RIMKLB: variants seen among roughly 807,000 people sequenced by gnomAD.
RIMKLB encodes beta-citrylglutamate synthase B.
A neutral mutation model predicts 32.0 loss-of-function variants in RIMKLB; 7 were observed. That is an observed-to-expected ratio of 0.22 (90% confidence interval 0.12 to 0.41). The LOEUF (loss-of-function observed/expected upper bound fraction) is 0.41, where lower values mean the gene tolerates loss of function less well. Ranked by LOEUF, RIMKLB falls within the 10% of genes least tolerant of loss-of-function variation. RIMKLB has a pLI of 1.00. For missense variants in RIMKLB, 289 were observed against 498.7 expected, an observed-to-expected ratio of 0.58 and a Z score of 4.00; for synonymous variants, 172 against 185.1, an observed-to-expected ratio of 0.93 and a Z score of 0.57.
At chr12:8,688,989 C>T (rs1942659219) in intron 1 of RIMKLB, among the ~76,000 whole-genome samples, 1 of 152,148 alleles carries the variant, frequency 6.6e-6, no homozygotes. Context: ...TGCCCGACAC[C>T]ACACCCGACT....
At chr12:8,685,730 C>T (rs562644437) in intron 1 of RIMKLB, among the ~76,000 whole-genome samples, 14 of 152,176 alleles carry the variant, frequency 9.2e-5, no homozygotes, top group Admixed American at 5.9e-4. Context: ...CTGCAACCTC[C>T]GCCTTCCGGT....
intron 5 of RIMKLB, among the ~76,000 whole-genome samples, chr12:8,760,828 A>T (rs1220291245): frequency 6.6e-6 from 1 of 152,078 alleles, no homozygotes; most frequent in South Asian, 2.1e-4. Flanking sequence ...TTCTTTGTAG[A>T]TTCTGGATGT....
chr12:8,723,870 A>G (rs1257781509), intron 2 of RIMKLB, among the ~76,000 whole-genome samples: 1 of 134,656 alleles, frequency 7.4e-6, no homozygotes, highest in African/African-American at 2.9e-5. Context: ...GCTGGAGTAC[A>G]GTGGTGCAGT....
At chr12:8,701,896 TC>T (rs1453077081) in intron 1 of RIMKLB, among the ~76,000 whole-genome samples, 1 of 150,768 alleles carries the variant, frequency 6.6e-6, no homozygotes, top group Non-Finnish European at 1.5e-5. Context: ...TCTCAGCTAC[TC>T]GGGGGGGCTG....
intron 1 of RIMKLB, among the ~76,000 whole-genome samples, chr12:8,705,860 T>A (rs758072572): frequency 6.6e-6 from 1 of 152,166 alleles, no homozygotes; most frequent in Non-Finnish European, 1.5e-5. Flanking sequence ...TGTCTATAAG[T>A]CCTGAGTCTT....
chr12:8,700,791 C>T (rs756467258), intron 1 of RIMKLB, among the ~76,000 whole-genome samples: 4 of 152,230 alleles, frequency 2.6e-5, no homozygotes, highest in African/African-American at 7.2e-5. Context: ...TGTGGCCTGG[C>T]GCAGTGGCTC....
intron 5 of RIMKLB, among the ~76,000 whole-genome samples, chr12:8,762,822 C>T (rs1949640508): frequency 6.6e-6 from 1 of 152,168 alleles, no homozygotes; most frequent in Admixed American, 6.5e-5. Context: ...CCTTTTTCTA[C>T]AAAGGAACTT....
In RIMKLB at chr12:8,716,431, C is replaced by CTTTTTTT. The variant is rs11307521; in HGVS notation, c.175+2407_175+2413dup. ...TAACCTAGCCTTACCATTAACATGT[C>CTTTTTTT]TTTTTTTTTTTTTTTTTTTTTTTAA... On this transcript the variant is annotated intron_variant, in intron 2 of 5. Coordinates refer to ENST00000535829, the MANE Select transcript of RIMKLB (RefSeq NM_001297776.2). 1.1e-4 allele frequency among the ~76,000 whole-genome samples: 9 copies of CTTTTTTT among 81,666 alleles called. 1 individual carries two copies. The highest frequency in any genetic ancestry group is 3.5e-4 in the East Asian group (1 of 2,882). 53.6% of individuals were successfully genotyped at this position (81,666 alleles called of 152,430 possible).
At chr12:8,782,879 A>ATGAT (rs1951181805) in intron 7 of RIMKLB, 1 of 152,156 alleles carries the variant, frequency 6.6e-6, no homozygotes, top group Non-Finnish European at 1.5e-5. Flanking sequence ...TTTAAAATCT[A>ATGAT]TGATTTAAAT....
At chr12:8,777,617 C>CA (rs1382846984), downstream of RIMKLB, 1 of 1,288,524 alleles carries the variant, frequency 7.8e-7, no homozygotes, top group South Asian at 1.2e-5. Flanking sequence ...AAAACAAATA[C>CA]AAACAAACAA....
chr12:8,669,210 C>T, the RIMKLB span, among the ~76,000 whole-genome samples: 4 of 151,962 alleles, frequency 2.6e-5, no homozygotes, highest in African/African-American at 9.7e-5. Flanking sequence ...AGGAAGGAAG[C>T]AAGAGAGAGG....
At chr12:8,715,228 C>CTTTTTTTT (rs61677474) in intron 2 of RIMKLB, among the ~76,000 whole-genome samples, 49 of 123,732 alleles carry the variant, frequency 4.0e-4, no homozygotes, top group African/African-American at 1.4e-3. Flanking sequence ...TGCTCTTGTT[C>CTTTTTTTT]TTTTTTTTTT....
At chr12:8,719,514 G>A (rs1267668641) in intron 2 of RIMKLB, among the ~76,000 whole-genome samples, 2 of 151,976 alleles carry the variant, frequency 1.3e-5, no homozygotes, top group African/African-American at 4.8e-5. Context: ...GATTACAGGC[G>A]CCCACCATTA....
intron 2 of RIMKLB, among the ~76,000 whole-genome samples, chr12:8,714,522 C>T (rs1944643954): frequency 6.6e-6 from 1 of 152,166 alleles, no homozygotes; most frequent in Middle Eastern, 3.4e-3. Context: ...AAATTAGATC[C>T]ATGTGATTCC....
chr12:8,701,463 C>T (rs1387668614), intron 1 of RIMKLB, among the ~76,000 whole-genome samples: 2 of 151,516 alleles, frequency 1.3e-5, no homozygotes, highest in Non-Finnish European at 2.9e-5. Context: ...GCTTGGAGGA[C>T]AAAAGCCACA....
At chr12:8,778,904 T>A (rs753770690), downstream of RIMKLB, 1 of 152,366 alleles carries the variant, frequency 6.6e-6, no homozygotes, top group East Asian at 1.9e-4. Context: ...TTCTTGTAGC[T>A]GAAGGAAGAC....
rs764490893 is a variant in RIMKLB, at chr12:8,755,296, TC to T, written c.697+1206del. On this transcript the variant is annotated intron_variant, in intron 5 of 5. Coordinates refer to ENST00000535829, the MANE Select transcript of RIMKLB (RefSeq NM_001297776.2). ...TTTTTTTTTTTGTAGAGATAGGGTCTCCCTATGTTGCTCAGGCTGGTTTCAA... is the reference window on the plus strand; with the variant it reads ...TTTTTTTTTTTGTAGAGATAGGGTCTCCTATGTTGCTCAGGCTGGTTTCAA... Among the ~76,000 whole-genome samples, 63 of 151,748 alleles carry T rather than the reference TC, an allele frequency of 4.2e-4. No homozygotes were observed. In the East Asian group the frequency reaches 0.012, roughly 28 times the overall value.
chr12:8,764,457 C>T (rs1220069854), intron 5 of RIMKLB, among the ~76,000 whole-genome samples: 2 of 152,170 alleles, frequency 1.3e-5, no homozygotes, highest in African/African-American at 4.8e-5. Context: ...TAAAGTTCTC[C>T]AGTCACAACT....
rs1290968847 is a variant in RIMKLB, at chr12:8,775,098, G to A, written c.*1314G>A. The stretch of plus-strand genomic sequence containing the variant: ...TTTAGGCCTTTTTGTGTATATGTAC[G>A]TTGTTTGTTTTTTTCCTTTTGTTTC... On this transcript the variant is annotated 3_prime_UTR_variant, in exon 6 of 6. Coordinates refer to ENST00000535829, the MANE Select transcript of RIMKLB (RefSeq NM_001297776.2). The A allele has an allele frequency of 6.1e-6, 6 of 985,512 alleles. No homozygotes were observed. Among genetic ancestry groups the A allele is most frequent in the African/African-American group, 3.5e-5 (2 of 57,174 alleles). The allele number at this position is 985,512 out of a possible 1,614,324, so 61.0% of individuals were successfully genotyped here. A position where few individuals can be genotyped will look rare whatever the true frequency, so the allele number is the denominator to read the frequency against.
Sources: allele counts gnomAD v4.1 joint callset (sites outside exome capture counted in the v4.1 genomes callset), GRCh38; gene constraint gnomAD v4.1.1; transcripts MANE v1.5; gene names NCBI Gene and HGNC (gene_info 2026-07-23, HGNC 2026-07-21).